Variants in AUH observed in about 807,000 individuals in gnomAD.
The protein encoded by AUH is AU RNA binding methylglutaconyl-CoA hydratase.
A neutral mutation model predicts 42.3 loss-of-function variants in AUH; 29 were observed. That is an observed-to-expected ratio of 0.69 (90% CI 0.51 to 0.93). The LOEUF (loss-of-function observed/expected upper bound fraction) is 0.93, where lower values mean the gene tolerates loss of function less well. Among genes scored for constraint, AUH ranks in the 40% least tolerant of loss-of-function variants. The probability of loss-of-function intolerance (pLI) is 0.00; values close to 1 mark genes in which losing one functional copy is unlikely to be tolerated. For synonymous variants in AUH, 174 were observed against 166.4 expected (o/e 1.05, Z -0.35); for missense variants, 452 against 438.1 (o/e 1.03, Z -0.28).
chr9:91,246,359 A>T (rs1350541692), intron 6 of AUH, among the ~76,000 whole-genome samples: 1 of 152,190 alleles, frequency 6.6e-6, no homozygotes, highest in Non-Finnish European at 1.5e-5. Flanking sequence ...CTCAAAGCAA[A>T]CCAAACCAAA....
chr9:91,252,323 G>A (rs1044582559), intron 6 of AUH, among the ~76,000 whole-genome samples: 3 of 151,832 alleles, frequency 2.0e-5, no homozygotes, highest in Non-Finnish European at 2.9e-5. Context: ...TGTACATATG[G>A]TCAAGGAAGA....
At chr9:91,286,026 G>A (rs998272909) in intron 6 of AUH, among the ~76,000 whole-genome samples, 4 of 151,960 alleles carry the variant, frequency 2.6e-5, no homozygotes, top group Non-Finnish European at 5.9e-5. Context: ...TCCTGGAATA[G>A]TATGACCTTA....
At chr9:91,348,025 A>G (rs1421174058) in intron 3 of AUH, among the ~76,000 whole-genome samples, 6 of 149,492 alleles carry the variant, frequency 4.0e-5, no homozygotes, top group Non-Finnish European at 8.9e-5. Flanking sequence ...ATTTAGTGGA[A>G]GAAAACTTAC....
At chr9:91,242,309 G>A (rs1217108583) in intron 6 of AUH, among the ~76,000 whole-genome samples, 1 of 152,208 alleles carries the variant, frequency 6.6e-6, no homozygotes, top group African/African-American at 2.4e-5. Flanking sequence ...GATTGATCAA[G>A]CAGCACACAC....
intron 4 of AUH, among the ~76,000 whole-genome samples, chr9:91,314,990 C>T (rs1259855662): frequency 6.6e-6 from 1 of 152,228 alleles, no homozygotes; most frequent in Admixed American, 6.5e-5. Context: ...GTGGCATGAT[C>T]TCGGCTCACT....
At chr9:91,346,344 C>A (rs1271499415) in intron 3 of AUH, among the ~76,000 whole-genome samples, 1 of 152,024 alleles carries the variant, frequency 6.6e-6, no homozygotes, top group African/African-American at 2.4e-5. Flanking sequence ...ATAAAAAATC[C>A]CTGAAACAGG....
At position 91,298,681 on chromosome 9, in the gene AUH, C is replaced by T. The variant is rs576851339; in HGVS notation, c.506-605G>A. Among the ~76,000 whole-genome samples, 19 of 152,276 alleles carry T rather than the reference C, an allele frequency of 1.2e-4. No homozygotes were observed. The East Asian group carries it at 2.3e-3, about 19-fold the overall frequency. ...CCCTGAGAACCTGCTCACAAGCATGCCTGGAAAGGGGTCAGCCAGTCACAG... is the reference window on the plus strand; with the variant it reads ...CCCTGAGAACCTGCTCACAAGCATGTCTGGAAAGGGGTCAGCCAGTCACAG... On this transcript the variant is annotated intron_variant, in intron 4 of 9. Coordinates refer to ENST00000375731, the MANE Select transcript of AUH (RefSeq NM_001698.3).
intron 4 of AUH, 32 bp downstream of exon 4, chr9:91,325,286 G>T: frequency 6.4e-7 from 1 of 1,564,458 alleles, no homozygotes; most frequent in Non-Finnish European, 8.8e-7. Flanking sequence ...AACCCCTTCG[G>T]CATGCTGAAA....
intron 7 of AUH, among the ~76,000 whole-genome samples, chr9:91,219,138 C>T (rs1016554930): frequency 1.3e-5 from 2 of 152,092 alleles, no homozygotes; most frequent in Non-Finnish European, 2.9e-5. Context: ...CGTTCTCAGG[C>T]GGGGCGGTGT....
intron 3 of AUH, among the ~76,000 whole-genome samples, chr9:91,328,036 G>A (rs945142339): frequency 6.6e-6 from 1 of 152,152 alleles, no homozygotes; most frequent in Non-Finnish European, 1.5e-5. Context: ...AAGGCCAGGG[G>A]GCCCAAGCAA....
intron 6 of AUH, among the ~76,000 whole-genome samples, chr9:91,222,261 A>C (rs1827175502): frequency 1.3e-5 from 2 of 152,244 alleles, no homozygotes; most frequent in African/African-American, 4.8e-5. Flanking sequence ...GACCACAAGA[A>C]GGCACATGTT....
chr9:91,308,298 C>G (rs1449409137), intron 4 of AUH, among the ~76,000 whole-genome samples: 1 of 152,148 alleles, frequency 6.6e-6, no homozygotes, highest in Non-Finnish European at 1.5e-5. Context: ...GAGTTCAAGG[C>G]TACAGTGAGC....
chr9:91,268,987 CT>C (rs11356485), intron 6 of AUH, among the ~76,000 whole-genome samples: 32,418 of 148,156 alleles, frequency 0.22, 3,643 homozygotes, highest in East Asian at 0.34. Flanking sequence ...TTAACACTTT[CT>C]TTTTTTTTTT....
In AUH at chr9:91,361,617, T is replaced by A. The variant is rs1048426673; in HGVS notation, c.262+11A>T. The A allele has an allele frequency of 6.3e-7, 1 of 1,576,282 alleles. No homozygotes were observed. Among genetic ancestry groups the A allele is most frequent in the African/African-American group, 1.4e-5 (1 of 73,544 alleles). ...CCGCTGCCCCGCGCCTGCCCAGCGT[T>A]CGCACCTCACCTCGGTTCTCCTCCT... is the stretch of plus-strand genomic sequence containing the variant. On this transcript the variant is annotated intron_variant, in intron 1 of 9. Coordinates refer to ENST00000375731, the MANE Select transcript of AUH (RefSeq NM_001698.3).
intron 5 of AUH, among the ~76,000 whole-genome samples, chr9:91,296,620 CTTCT>C (rs953512117): frequency 3.4e-4 from 51 of 152,182 alleles, no homozygotes; most frequent in African/African-American, 1.1e-3. Flanking sequence ...ATCTTAATAA[CTTCT>C]TTATTTGCAT....
intron 6 of AUH, among the ~76,000 whole-genome samples, chr9:91,239,010 A>G (rs1289789483): frequency 1.3e-5 from 2 of 152,246 alleles, no homozygotes; most frequent in African/African-American, 2.4e-5. Context: ...TTATATTTAC[A>G]TGTATTAAAA....
intron 4 of AUH, among the ~76,000 whole-genome samples, chr9:91,312,553 C>A (rs1295091410): frequency 2.0e-5 from 3 of 152,162 alleles, no homozygotes; most frequent in Admixed American, 6.5e-5. Flanking sequence ...CATGGCGAAA[C>A]CCTGTCTCTA....
chr9:91,237,505 C>T (rs941049300), intron 6 of AUH, among the ~76,000 whole-genome samples: 4 of 152,208 alleles, frequency 2.6e-5, no homozygotes, highest in African/African-American at 9.6e-5. Context: ...GCGGTTGACT[C>T]TTTTCATTTA....
At chr9:91,261,870 T>C (rs981679839) in intron 6 of AUH, among the ~76,000 whole-genome samples, 2 of 152,254 alleles carry the variant, frequency 1.3e-5, no homozygotes, top group African/African-American at 4.8e-5. Context: ...TGGTCTCTGT[T>C]ACTCTGTTAC....
Sources: allele counts gnomAD v4.1 joint callset (sites outside exome capture counted in the v4.1 genomes callset), GRCh38; gene constraint gnomAD v4.1.1; transcripts MANE v1.5; gene names NCBI Gene and HGNC (gene_info 2026-07-23, HGNC 2026-07-21).